ZNF875: variants seen among roughly 807,000 people sequenced by gnomAD.
ZNF875 encodes the protein HKR1, GLI-Kruppel zinc finger family member.
ZNF875 carries 14 observed loss-of-function variants against 11.2 expected under a neutral mutation model. That is an observed-to-expected ratio of 1.26 (90% CI 0.83 to 1.96). The LOEUF (loss-of-function observed/expected upper bound fraction) is 1.96. Ranked by LOEUF, ZNF875 falls within the 30% of genes most tolerant of loss-of-function variation. ZNF875 has a pLI of 0.00. For synonymous variants in ZNF875, 301 were observed against 281.1 expected, an observed-to-expected ratio of 1.07 and a Z score of -0.71; for missense variants, 752 against 760.4, an observed-to-expected ratio of 0.99 and a Z score of 0.13.
upstream of ZNF875, among the ~76,000 whole-genome samples, chr19:37,333,533 AG>A (rs1298123626): frequency 6.6e-6 from 1 of 152,272 alleles, no homozygotes; most frequent in East Asian, 1.9e-4. Context: ...TGGAGGGGGT[AG>A]GGTGTGAAGA....
At chr19:37,343,857 C>G (rs1233624518) in intron 2 of ZNF875, among the ~76,000 whole-genome samples, 2 of 152,040 alleles carry the variant, frequency 1.3e-5, no homozygotes, top group East Asian at 3.9e-4. Flanking sequence ...TGCTTTTGGC[C>G]GCAAGCAACA....
In ZNF875 at chr19:37,362,794, T is replaced by C; in HGVS notation, c.942T>C (p.Asp314=). 6.3e-7 allele frequency: 1 copy of C among 1,599,978 alleles called. No homozygotes were observed. The highest frequency in any genetic ancestry group is 8.5e-7 in the Non-Finnish European group (1 of 1,174,806). Residue 314 remains aspartate (D), a synonymous_variant, in exon 5 of 5, where the codon GAT becomes GAC. Transcript: ENST00000392153. ...HSGEKPYVCK[D]CGRGFTWKSN... is the part of the protein sequence containing the mutation. ...GGGAGAAACCTTATGTGTGCAAGGA[T>C]TGTGGACGAGGCTTTACTTGGAAGT...
At chr19:37,327,050 T>G (rs8109129) in intron 4 of ZNF875, among the ~76,000 whole-genome samples, 193 of 152,020 alleles carry the variant, frequency 1.3e-3, no homozygotes, top group Non-Finnish European at 2.2e-3. Context: ...TGGAGTACAA[T>G]GGCAGGTCTC....
chr19:37,338,668 C>A (rs1355199909), intron 2 of ZNF875, among the ~76,000 whole-genome samples: 1 of 152,168 alleles, frequency 6.6e-6, no homozygotes, highest in Non-Finnish European at 1.5e-5. Flanking sequence ...TAAGATGAAA[C>A]CTCTGTGTCT....
At chr19:37,344,658 C>T (rs1202959030) in intron 2 of ZNF875, 1 of 1,608,366 alleles carries the variant, frequency 6.2e-7, no homozygotes, top group Admixed American at 1.7e-5. Context: ...TGTGTTTCTA[C>T]TCAGTGGGAG....
chr19:37,345,352 T>C (rs974086175), intron 2 of ZNF875, among the ~76,000 whole-genome samples: 2 of 152,052 alleles, frequency 1.3e-5, no homozygotes, highest in Non-Finnish European at 2.9e-5. Context: ...TGAGTGTAGG[T>C]AGAGTCTTAA....
At chr19:37,327,458 TTAAAC>T (rs1452250514) in intron 4 of ZNF875, among the ~76,000 whole-genome samples, 12 of 152,120 alleles carry the variant, frequency 7.9e-5, no homozygotes, top group Non-Finnish European at 1.8e-4. Context: ...AGAGATTTCA[TTAAAC>T]TAATACGGAA....
intron 2 of ZNF875, among the ~76,000 whole-genome samples, chr19:37,343,618 G>A (rs2036209832): frequency 6.6e-6 from 1 of 152,068 alleles, no homozygotes; most frequent in African/African-American, 2.4e-5. Context: ...GGCAAGCTCA[G>A]GTTATTCACA....
intron 2 of ZNF875, 108 bp from the exon 3 acceptor site, chr19:37,347,082 G>A: frequency 1.3e-6 from 2 of 1,492,112 alleles, no homozygotes; most frequent in Non-Finnish European, 1.9e-6. Flanking sequence ...CTCCCAAAGT[G>A]CTGGGATTAC....
chr19:37,357,873 T>A (rs1283238974), intron 4 of ZNF875: 2 of 398,162 alleles, frequency 5.0e-6, no homozygotes, highest in Non-Finnish European at 8.9e-6. Context: ...TATTTCTCTG[T>A]CTTGCATGAT....
Position 37,347,321 on chromosome 19 carries a change from G to A in ZNF875, c.160+5G>A, listed in dbSNP as rs1228498640. On this transcript the variant is annotated splice_donor_5th_base_variant and intron_variant, in intron 3 of 4. Transcript: ENST00000392153. The stretch of plus-strand genomic sequence containing the variant: ...ATAACCATCTGGTCTCACTGGGTAA[G>A]AATGGCCTCCCTTGGCACTTAAAAT... 6.2e-7 allele frequency: 1 copy of A among 1,610,694 alleles called. No homozygotes were observed. Among genetic ancestry groups the A allele is most frequent in the Non-Finnish European group, 8.5e-7 (1 of 1,177,862 alleles).
At chr19:37,327,489 C>G (rs1599891877) in intron 4 of ZNF875, among the ~76,000 whole-genome samples, 1 of 151,780 alleles carries the variant, frequency 6.6e-6, no homozygotes, top group Non-Finnish European at 1.5e-5. Context: ...TATTCAGGGG[C>G]AGGCATAGTG....
chr19:37,326,743 C>G (rs749258087), intron 4 of ZNF875, among the ~76,000 whole-genome samples: 4 of 138,418 alleles, frequency 2.9e-5, no homozygotes, highest in Non-Finnish European at 6.1e-5. Context: ...TCTCATCTCA[C>G]TACAAACTCT....
intron 1 of ZNF875, among the ~76,000 whole-genome samples, chr19:37,319,536 T>G (rs1458306335): frequency 6.6e-6 from 1 of 151,950 alleles, no homozygotes; most frequent in African/African-American, 2.4e-5. Flanking sequence ...GCCCCCACAT[T>G]GTTCATAGGC....
upstream of ZNF875, chr19:37,315,079 T>C (rs1349892422): frequency 6.8e-6 from 1 of 147,192 alleles, no homozygotes. Flanking sequence ...TAATCTACTT[T>C]CTGTTTCTAT....
upstream of ZNF875, among the ~76,000 whole-genome samples, chr19:37,315,957 G>C (rs1226386265): frequency 1.3e-5 from 2 of 152,166 alleles, no homozygotes; most frequent in Non-Finnish European, 2.9e-5. Flanking sequence ...GATCTGAGAA[G>C]ACCAAGGCAG....
At chr19:37,326,622 C>CT (rs931614167) in intron 4 of ZNF875, among the ~76,000 whole-genome samples, 18 of 131,746 alleles carry the variant, frequency 1.4e-4, no homozygotes, top group Non-Finnish European at 2.5e-4. Context: ...TTGAGTACCT[C>CT]TTTCTTGAAA....
chr19:37,323,751 A>G (rs1178839105), intron 3 of ZNF875, among the ~76,000 whole-genome samples: 1 of 152,130 alleles, frequency 6.6e-6, no homozygotes, highest in Admixed American at 6.5e-5. Context: ...TTTCTTGATG[A>G]TGTCACTGGC....
At chr19:37,356,844 T>A (rs190765355) in intron 4 of ZNF875, among the ~76,000 whole-genome samples, 313 of 152,318 alleles carry the variant, frequency 2.1e-3, no homozygotes, top group African/African-American at 6.7e-3. Context: ...ATCATATTTG[T>A]CCATTTTTGT....
Sources: allele counts gnomAD v4.1 joint callset (sites outside exome capture counted in the v4.1 genomes callset), GRCh38; gene constraint gnomAD v4.1.1; transcripts MANE v1.5; gene names NCBI Gene and HGNC (gene_info 2026-07-23, HGNC 2026-07-21).